SNCAIP: variants seen among roughly 807,000 people sequenced by gnomAD.
The protein encoded by SNCAIP is synphilin-1.
SNCAIP carries 43 observed loss-of-function variants against 86.7 expected under a neutral mutation model. That is an observed-to-expected ratio of 0.50 (90% CI 0.39 to 0.64). SNCAIP has a LOEUF of 0.64. Among genes scored for constraint, SNCAIP ranks in the 30% least tolerant of loss-of-function variants. SNCAIP has a pLI of 0.00. For missense variants in SNCAIP, 981 were observed against 1,103.1 expected, an observed-to-expected ratio of 0.89 and a Z score of 1.57; for synonymous variants, 417 against 427.2, an observed-to-expected ratio of 0.98 and a Z score of 0.29.
rs1036446561 is a variant in SNCAIP at position 122,453,000 on chromosome 5, G to A, written c.2754+1399G>A. 1.8e-5 allele frequency: 27 copies of A among 1,531,932 alleles called. No homozygotes were observed. In the East Asian group the frequency reaches 2.4e-4, roughly 14 times the overall value. The allele number at this position is 1,531,932 out of a possible 1,614,324, so 94.9% of individuals were successfully genotyped here. ...GCATCTGTGTAACGACACACGGTAC[G>A]TGGTGCTAGGAGATATGCTGTGCGG... On this transcript the variant is annotated intron_variant, in intron 10 of 10. Coordinates refer to ENST00000261368, the MANE Select transcript of SNCAIP (RefSeq NM_005460.4).
At chr5:122,384,465 T>C (rs1238543127) in intron 1 of SNCAIP, among the ~76,000 whole-genome samples, 2 of 152,210 alleles carry the variant, frequency 1.3e-5, no homozygotes, top group African/African-American at 2.4e-5. Flanking sequence ...AGAAAAATAC[T>C]AGACTTAAAA....
rs187906708 is a variant in SNCAIP at position 122,443,765 on chromosome 5, T to G, written c.1423-798T>G. ...CTCCCTGAAAGTTGTCCCTGCTTCT[T>G]TGGCTGGCTGTGGTCACTGATGCCC... On this transcript the variant is annotated intron_variant, in intron 7 of 10. Transcript: ENST00000261368. The G allele has an allele frequency of 4.4e-3, 1,907 of 428,836 alleles. 21 individuals are homozygous for G. The highest frequency in any genetic ancestry group is 0.038 in the Middle Eastern group (72 of 1,876). 26.6% of individuals were successfully genotyped at this position (428,836 alleles called of 1,614,324 possible).
chr5:122,444,544 G>A lies in SNCAIP; in HGVS notation c.1423-19G>A. The A allele has an allele frequency of 1.2e-6, 2 of 1,610,974 alleles. No homozygotes were observed. Among genetic ancestry groups the A allele is most frequent in the African/African-American group, 1.3e-5 (1 of 74,996 alleles). On this transcript the variant is annotated intron_variant, in intron 7 of 10. Coordinates refer to ENST00000261368, the MANE Select transcript of SNCAIP (RefSeq NM_005460.4). ...TGTACAGAGATGTCCTGATACACAT[G>A]TCCTTCATTTTCTGACAGACCTTGG...
chr5:122,383,531 G>C (rs561153641), intron 1 of SNCAIP: 2 of 156,566 alleles, frequency 1.3e-5, no homozygotes, highest in African/African-American at 4.8e-5. Context: ...GCTGTAGACC[G>C]GAGCTGTTCC....
chr5:122,315,492 A>G (rs1346125541), intron 1 of SNCAIP, among the ~76,000 whole-genome samples: 2 of 152,224 alleles, frequency 1.3e-5, no homozygotes, highest in East Asian at 3.8e-4. Context: ...AGGGGTATAG[A>G]AAGAGTCCAC....
Position 122,339,093 on chromosome 5 carries a change from G to A in SNCAIP, c.-47+26809G>A, listed in dbSNP as rs111515708. On this transcript the variant is annotated intron_variant, in intron 1 of 10. Coordinates refer to ENST00000261368, the MANE Select transcript of SNCAIP (RefSeq NM_005460.4). ...GGATACTGACAAATTGAATGGTGTAGGTCTGGAGAAAGTTGAGTTTGTGAT... is the reference window on the plus strand; with the variant it reads ...GGATACTGACAAATTGAATGGTGTAAGTCTGGAGAAAGTTGAGTTTGTGAT... 2.5e-3 allele frequency among the ~76,000 whole-genome samples: 388 copies of A among 152,260 alleles called. 7 individuals carry two copies. The highest frequency in any genetic ancestry group is 9.0e-3 in the African/African-American group (374 of 41,554).
chr5:122,342,353 A>G (rs1757765587), intron 1 of SNCAIP, among the ~76,000 whole-genome samples: 1 of 151,878 alleles, frequency 6.6e-6, no homozygotes. Context: ...ACGGGTCCTC[A>G]GGGAATGTCC....
In SNCAIP at chr5:122,449,928, C is replaced by G; in HGVS notation, c.1676C>G (p.Ser559Cys). Residue 559 changes from serine to cysteine, a missense_variant, in exon 9 of 11, where the codon TCT becomes TGT. Physicochemically the swap from Ser to Cys is moderately radical, Grantham distance 112 (BLOSUM62 -1). Transcript: ENST00000261368. Reference protein sequence around the residue: ...AQKSEGKSLPSSPSSPSSPAS... With the variant: ...AQKSEGKSLPCSPSSPSSPAS... ...AAATCAGAGGGCAAGTCACTCCCTT[C>G]TTCACCCAGGTAATACCAGCACATT... 1 of 1,609,870 alleles carries G rather than the reference C, an allele frequency of 6.2e-7. No individual in the cohort carries two copies. The highest frequency in any genetic ancestry group is 8.5e-7 in the Non-Finnish European group (1 of 1,176,150).
chr5:122,383,197 C>CGTGG (rs1767313183), intron 1 of SNCAIP, among the ~76,000 whole-genome samples: 1 of 152,208 alleles, frequency 6.6e-6, no homozygotes, highest in Non-Finnish European at 1.5e-5. Context: ...AGCGAGACTC[C>CGTGG]GTGGGCGTAG....
Position 122,349,925 on chromosome 5 carries a change from G to T in SNCAIP, c.-47+37641G>T, listed in dbSNP as rs79860216. 3.0e-3 allele frequency among the ~76,000 whole-genome samples: 462 copies of T among 152,230 alleles called. 4 individuals carry two copies. Among genetic ancestry groups the T allele is most frequent in the African/African-American group, 0.01 (428 of 41,534 alleles). On this transcript the variant is annotated intron_variant, in intron 1 of 10. Transcript: ENST00000261368. ...TGAAGACCACCTCTGGACTTCCACA[G>T]CCCTTTGCTCCCCCATCAGCCAAAT...
intron 10 of SNCAIP, among the ~76,000 whole-genome samples, chr5:122,460,103 A>G (rs910816077): frequency 5.3e-5 from 8 of 152,040 alleles, no homozygotes; most frequent in Non-Finnish European, 1.0e-4. Context: ...AATCTTCTCA[A>G]TGACACTATG....
intron 2 of SNCAIP, among the ~76,000 whole-genome samples, chr5:122,403,134 C>A (rs902187307): frequency 6.6e-6 from 1 of 152,160 alleles, no homozygotes; most frequent in African/African-American, 2.4e-5. Flanking sequence ...GCCTCTGAGT[C>A]GGTGCTGAAA....
chr5:122,353,937 A>G (rs1266556475), intron 1 of SNCAIP, among the ~76,000 whole-genome samples: 1 of 152,220 alleles, frequency 6.6e-6, no homozygotes, highest in Non-Finnish European at 1.5e-5. Flanking sequence ...TTAGGGCTGA[A>G]GAAAGGCGAG....
rs549612284 is a variant in SNCAIP at position 122,357,170 on chromosome 5, T to G, written c.-46-33919T>G. 1.3e-4 allele frequency among the ~76,000 whole-genome samples: 20 copies of G among 152,282 alleles called. 1 individual carries two copies. The highest frequency in any genetic ancestry group is 4.6e-4 in the African/African-American group (19 of 41,554). The stretch of plus-strand genomic sequence containing the variant: ...TACCTGTCATCTTCTTCCCCTACAT[T>G]TTTGCATGACTTGCTTTCTTTTGTC... On this transcript the variant is annotated intron_variant, in intron 1 of 10. Coordinates refer to ENST00000261368, the MANE Select transcript of SNCAIP (RefSeq NM_005460.4).
chr5:122,373,018 T>C (rs1404749670), intron 1 of SNCAIP, among the ~76,000 whole-genome samples: 1 of 152,212 alleles, frequency 6.6e-6, no homozygotes, highest in Admixed American at 6.5e-5. Context: ...ATTTGTCATT[T>C]TGTTATTTTG....
At chr5:122,378,537 T>G (rs1333924974) in intron 1 of SNCAIP, among the ~76,000 whole-genome samples, 18 of 143,164 alleles carry the variant, frequency 1.3e-4, no homozygotes, top group South Asian at 7.7e-4. Flanking sequence ...AGAAGCTCTT[T>G]AGTTTAATTA....
chr5:122,358,810 G>A (rs559844978), intron 1 of SNCAIP, among the ~76,000 whole-genome samples: 7 of 152,130 alleles, frequency 4.6e-5, no homozygotes, highest in Non-Finnish European at 8.8e-5. Flanking sequence ...GTAGCTGAGT[G>A]TTGATTAAAA....
intron 1 of SNCAIP, among the ~76,000 whole-genome samples, chr5:122,383,820 C>A (rs1367748128): frequency 1.3e-5 from 2 of 152,150 alleles, no homozygotes; most frequent in East Asian, 3.9e-4. Flanking sequence ...AAAACAGTGC[C>A]ATCTTCCTTG....
At chr5:122,404,897 G>T (rs566995857) in intron 3 of SNCAIP, among the ~76,000 whole-genome samples, 11 of 152,140 alleles carry the variant, frequency 7.2e-5, no homozygotes, top group Non-Finnish European at 1.2e-4. Flanking sequence ...GTGTTTTTTT[G>T]TGTGTGTGAG....
Sources: allele counts gnomAD v4.1 joint callset (sites outside exome capture counted in the v4.1 genomes callset), GRCh38; gene constraint gnomAD v4.1.1; transcripts MANE v1.5; gene names NCBI Gene and HGNC (gene_info 2026-07-23, HGNC 2026-07-21).